KIF25: variants seen among roughly 807,000 people sequenced by gnomAD.
KIF25 encodes kinesin-like protein KIF25.
Under a neutral mutation model 32.9 loss-of-function variants are expected in KIF25, and 19 were observed. The observed-to-expected ratio is 0.58, with a 90% CI of 0.40 to 0.85. The LOEUF (loss-of-function observed/expected upper bound fraction) is 0.85, where lower values mean the gene tolerates loss of function less well. Ranked by LOEUF, KIF25 falls within the 40% of genes least tolerant of loss-of-function variation. The pLI, the probability that KIF25 is intolerant of heterozygous loss-of-function variation, is 0.00. For missense variants in KIF25, 485 were observed against 507.0 expected (o/e 0.96, Z 0.42); for synonymous variants, 225 against 213.7 (o/e 1.05, Z -0.46).
intron 5 of KIF25, among the ~76,000 whole-genome samples, chr6:168,028,007 G>A (rs1798888033): frequency 6.6e-6 from 1 of 152,090 alleles, no homozygotes; most frequent in African/African-American, 2.4e-5. Flanking sequence ...TAGGTAAAAA[G>A]GCTGCCAGGT....
At chr6:168,003,779 T>A (rs1363990665) in intron 4 of KIF25, 76 bp downstream of exon 4, 1 of 152,188 alleles carries the variant, frequency 6.6e-6, no homozygotes, top group African/African-American at 2.4e-5. Context: ...AATAATTTAT[T>A]TTAGGCTTTC....
chr6:168,026,957 C>A (rs1798868257), intron 5 of KIF25, among the ~76,000 whole-genome samples: 1 of 152,170 alleles, frequency 6.6e-6, no homozygotes, highest in Non-Finnish European at 1.5e-5. Flanking sequence ...ATGTGCCAGG[C>A]ACCCTGTTAG....
chr6:168,038,798 C>T lies in KIF25; in HGVS notation c.494+69C>T, dbSNP rs1459678621. 4.6e-6 allele frequency: 7 copies of T among 1,507,606 alleles called. No homozygotes were observed. In the East Asian group the frequency reaches 1.1e-4, roughly 25 times the overall value. The allele number at this position is 1,507,606 out of a possible 1,614,324, so 93.4% of individuals were successfully genotyped here. A position where few individuals can be genotyped will look rare whatever the true frequency, so the allele number is the denominator to read the frequency against. Reference sequence around the variant, plus strand: ...ATGGCACCTGCCCCTCCCACCTGGTCAGGAGGCTGCACGTCTCTAAACGAG... The same window carrying T: ...ATGGCACCTGCCCCTCCCACCTGGTTAGGAGGCTGCACGTCTCTAAACGAG... On this transcript the variant is annotated intron_variant, in intron 9 of 12. Coordinates refer to ENST00000643607, the MANE Select transcript of KIF25 (RefSeq NM_030615.4).
Position 168,031,250 on chromosome 6 carries a change from G to A in KIF25, c.167+403G>A, listed in dbSNP as rs189814382. On this transcript the variant is annotated intron_variant, in intron 7 of 12. Coordinates refer to ENST00000643607, the MANE Select transcript of KIF25 (RefSeq NM_030615.4). ...CTTTGGGAATCAGCCTTCTATTCTT[G>A]CAGTATACAACTACTGATGTCAAAG... 3.9e-5 allele frequency among the ~76,000 whole-genome samples: 6 copies of A among 152,320 alleles called. No individual in the cohort carries two copies. In the East Asian group the frequency reaches 1.2e-3, roughly 29 times the overall value.
At chr6:168,001,674 C>G (rs577506962) in intron 2 of KIF25, among the ~76,000 whole-genome samples, 1 of 109,140 alleles carries the variant, frequency 9.2e-6, no homozygotes, top group African/African-American at 3.8e-5. Flanking sequence ...TGAGAAGACA[C>G]CTGAGGCGTG....
chr6:168,023,900 A>C (rs1247030219), intron 5 of KIF25, among the ~76,000 whole-genome samples: 1 of 152,262 alleles, frequency 6.6e-6, no homozygotes, highest in Non-Finnish European at 1.5e-5. Context: ...CAATAATATT[A>C]GAATCTGTAT....
chr6:168,001,112 T>A (rs1798494732), intron 2 of KIF25, among the ~76,000 whole-genome samples: 1 of 152,248 alleles, frequency 6.6e-6, no homozygotes, highest in Admixed American at 6.5e-5. Context: ...GACTGGAAAT[T>A]GGGCCTGTCG....
intron 2 of KIF25, among the ~76,000 whole-genome samples, chr6:168,002,279 CT>C (rs1207721501): frequency 1.6e-5 from 2 of 125,180 alleles, no homozygotes; most frequent in African/African-American, 3.2e-5. Context: ...GAGAAGACAC[CT>C]TCAGGCGTAG....
At chr6:168,019,931 G>A (rs113008558) in intron 5 of KIF25, among the ~76,000 whole-genome samples, 5 of 152,080 alleles carry the variant, frequency 3.3e-5, no homozygotes, top group African/African-American at 4.8e-5. Context: ...TCAAGAGATC[G>A]AGACCATCCT....
rs553536253 is a variant in KIF25 at position 167,997,792 on chromosome 6, G to A, written c.-1677G>A. 1.3e-5 allele frequency among the ~76,000 whole-genome samples: 2 copies of A among 152,184 alleles called. No homozygotes were observed. The highest frequency in any genetic ancestry group is 6.5e-5 in the Admixed American group (1 of 15,290). Reference sequence around the variant, plus strand: ...GTGGATGATTGAGTGGGTGACCCTCGCTTCTGTGAGGTTTGATTTTGATGG... The same window carrying A: ...GTGGATGATTGAGTGGGTGACCCTCACTTCTGTGAGGTTTGATTTTGATGG... On this transcript the variant is annotated 5_prime_UTR_variant, in exon 1 of 13. Coordinates refer to ENST00000643607, the MANE Select transcript of KIF25 (RefSeq NM_030615.4).
chr6:168,022,872 A>C (rs1798806954), intron 5 of KIF25, among the ~76,000 whole-genome samples: 1 of 149,968 alleles, frequency 6.7e-6, no homozygotes, highest in Admixed American at 6.6e-5. Flanking sequence ...GTTCTGAATC[A>C]GTTTTCAGGT....
At chr6:168,014,727 A>T (rs931579425) in intron 4 of KIF25, among the ~76,000 whole-genome samples, 1 of 152,236 alleles carries the variant, frequency 6.6e-6, no homozygotes, top group Non-Finnish European at 1.5e-5. Context: ...TCGATCTCAG[A>T]TGGAGAATCT....
chr6:168,042,055 T>C lies in KIF25; in HGVS notation c.733T>C (p.Leu245=), dbSNP rs1799129553. ...GRSRRASQGA[L]APQLVPGNPA... ...GAGCCGCAGAGCTTCTCAAGGGGCCTTGGCTCCACAGCTGGTTCCTGGGAA... is the reference window on the plus strand; with the variant it reads ...GAGCCGCAGAGCTTCTCAAGGGGCCCTGGCTCCACAGCTGGTTCCTGGGAA... The change falls in exon 11 of 13, where the codon TTG becomes CTG. Residue 245 remains leucine, a synonymous_variant. Coordinates refer to ENST00000643607, the MANE Select transcript of KIF25 (RefSeq NM_030615.4). The C allele has an allele frequency of 1.3e-6, 2 of 1,551,358 alleles. No individual in the cohort carries two copies. The highest frequency in any genetic ancestry group is 1.2e-5 in the South Asian group (1 of 84,036).
intron 5 of KIF25, among the ~76,000 whole-genome samples, chr6:168,026,114 C>T (rs1026507864): frequency 1.3e-5 from 2 of 152,186 alleles, no homozygotes; most frequent in African/African-American, 4.8e-5. Flanking sequence ...TGGATTTGGG[C>T]AGAAGGTCTC....
intron 12 of KIF25, among the ~76,000 whole-genome samples, chr6:168,044,003 A>G (rs891161370): frequency 1.3e-5 from 2 of 152,148 alleles, no homozygotes; most frequent in African/African-American, 4.8e-5. Flanking sequence ...GGAGATCTAG[A>G]AAGAACAGCC....
At chr6:168,017,128 C>T (rs1253902154) in intron 4 of KIF25, among the ~76,000 whole-genome samples, 4 of 152,256 alleles carry the variant, frequency 2.6e-5, no homozygotes. Flanking sequence ...CAACCACAAA[C>T]AGCTGTTGAA....
chr6:167,999,681 C>A (rs1010968663), intron 2 of KIF25, among the ~76,000 whole-genome samples: 9 of 152,148 alleles, frequency 5.9e-5, no homozygotes, highest in African/African-American at 2.2e-4. Context: ...AAAGGGAGCA[C>A]CCTGCCTTTA....
chr6:168,037,233 T>G (rs1190060329), intron 8 of KIF25, among the ~76,000 whole-genome samples: 1 of 152,246 alleles, frequency 6.6e-6, no homozygotes, highest in East Asian at 1.9e-4. Context: ...TTTTACTTAC[T>G]TTCTCTTTCA....
chr6:168,002,025 C>T (rs3001802), intron 2 of KIF25, among the ~76,000 whole-genome samples: 44 of 120,190 alleles, frequency 3.7e-4, no homozygotes, highest in Non-Finnish European at 4.2e-4. Context: ...GGCGTGGCCT[C>T]GGGCAGGTGA....
Sources: gnomAD v4.1 joint callset for allele counts (sites outside exome capture counted in the v4.1 genomes callset) on GRCh38, gnomAD v4.1.1 for gene constraint, MANE v1.5 for transcripts, NCBI Gene and HGNC (gene_info 2026-07-23, HGNC 2026-07-21) for gene names.